Variants in LMO7 observed in about 807,000 individuals in gnomAD.
LMO7 encodes LIM domain only protein 7.
In LMO7, 120 loss-of-function variants were observed where a neutral mutation model predicts 206.5. The ratio of observed to expected loss-of-function variants is 0.58; its 90% CI spans 0.50 to 0.68. The LOEUF is 0.68. Among genes scored for constraint, LMO7 ranks in the 30% least tolerant of loss-of-function variants. The probability of loss-of-function intolerance (pLI) is 0.00; values close to 1 mark genes in which losing one functional copy is unlikely to be tolerated. For missense variants in LMO7, 1,959 were observed against 1,957.9 expected, an observed-to-expected ratio of 1.00 and a Z score of -0.01; for synonymous variants, 706 against 681.5, an observed-to-expected ratio of 1.04 and a Z score of -0.56.
At chr13:75,779,363 C>A (rs1045020034) in intron 4 of LMO7, among the ~76,000 whole-genome samples, 4 of 152,024 alleles carry the variant, frequency 2.6e-5, no homozygotes, top group African/African-American at 7.2e-5. Context: ...TCATTCAATT[C>A]ATTAGTTTTG....
At chr13:75,778,203 G>T (rs928314707) in intron 4 of LMO7, among the ~76,000 whole-genome samples, 2 of 151,894 alleles carry the variant, frequency 1.3e-5, no homozygotes, top group Non-Finnish European at 2.9e-5. Context: ...TTTGTTCTGT[G>T]GACTCAAGAT....
chr13:75,830,517 A>G (rs1397496825), intron 15 of LMO7, among the ~76,000 whole-genome samples: 4 of 152,182 alleles, frequency 2.6e-5, no homozygotes, highest in Admixed American at 6.5e-5. Flanking sequence ...TACACCTGTA[A>G]TTGCCCATGT....
At chr13:75,735,147 A>T (rs968988860) in intron 3 of LMO7, among the ~76,000 whole-genome samples, 1 of 149,362 alleles carries the variant, frequency 6.7e-6, no homozygotes, top group Non-Finnish European at 1.5e-5. Flanking sequence ...GTGTGTATGT[A>T]TGTACATACA....
In LMO7 at chr13:75,710,372, C is replaced by G. The variant is rs1828832453; in HGVS notation, c.70-2810C>G. Among the ~76,000 whole-genome samples the G allele has an allele frequency of 2.6e-5, 4 of 152,128 alleles. No homozygotes were observed. In the South Asian group the frequency reaches 8.3e-4, roughly 32 times the overall value. On this transcript the variant is annotated intron_variant, in intron 1 of 30. Coordinates refer to ENST00000377534, the MANE Select transcript of LMO7 (RefSeq NM_001306080.2). ...TAGCTTGATGGGGATGGCATTGAAT[C>G]TATAAATTACCTTGGGCAGTATGGC...
chr13:75,760,762 GT>G, intron 3 of LMO7, 169 bp from the exon 4 acceptor site: 1 of 1,537,276 alleles, frequency 6.5e-7, no homozygotes, highest in Non-Finnish European at 8.7e-7. Context: ...CTGAAAGGCT[GT>G]ACAAGCCCTA....
chr13:75,754,749 A>G (rs1279064612), intron 3 of LMO7, among the ~76,000 whole-genome samples: 1 of 152,220 alleles, frequency 6.6e-6, no homozygotes, highest in Non-Finnish European at 1.5e-5. Context: ...ATATGAAAAT[A>G]TGTTACTTGA....
intron 25 of LMO7, among the ~76,000 whole-genome samples, chr13:75,843,355 C>T (rs1595475685): frequency 6.6e-6 from 1 of 152,210 alleles, no homozygotes; most frequent in Non-Finnish European, 1.5e-5. Context: ...ATCTGCAAGG[C>T]ATCTTGAGGT....
intron 1 of LMO7, among the ~76,000 whole-genome samples, chr13:75,687,370 G>A (rs1349506302): frequency 6.6e-6 from 1 of 152,128 alleles, no homozygotes; most frequent in East Asian, 1.9e-4. Context: ...GCCACCAGAG[G>A]GTAGTATTTA....
intron 1 of LMO7, among the ~76,000 whole-genome samples, chr13:75,639,818 A>G (rs1252575405): frequency 2.6e-5 from 4 of 152,242 alleles, no homozygotes; most frequent in African/African-American, 9.6e-5. Flanking sequence ...TGGCTGGAGC[A>G]GAACAGGCTA....
intron 1 of LMO7, among the ~76,000 whole-genome samples, chr13:75,698,915 A>G (rs2042085332): frequency 1.3e-5 from 2 of 152,108 alleles, no homozygotes; most frequent in South Asian, 4.1e-4. Flanking sequence ...CACCACATCT[A>G]ATTTCAAAAC....
At chr13:75,692,559 T>A (rs1450345607) in intron 1 of LMO7, among the ~76,000 whole-genome samples, 2 of 152,060 alleles carry the variant, frequency 1.3e-5, no homozygotes, top group East Asian at 3.9e-4. Flanking sequence ...CTCATCTTTT[T>A]AATTTTTTTG....
intron 6 of LMO7, among the ~76,000 whole-genome samples, chr13:75,798,120 C>T (rs138472364): frequency 9.0e-4 from 137 of 152,302 alleles, no homozygotes; most frequent in African/African-American, 3.2e-3. Context: ...CCTGTAATCC[C>T]AGCACTTTGG....
chr13:75,840,264 G>C (rs1361268374), intron 21 of LMO7, 127 bp from the exon 22 acceptor site: 1 of 1,369,226 alleles, frequency 7.3e-7, no homozygotes, highest in Admixed American at 1.8e-5. Flanking sequence ...TTCAAAGCCA[G>C]CTCTCCCTTG....
At chr13:75,729,291 C>G (rs1420033502) in intron 3 of LMO7, among the ~76,000 whole-genome samples, 2,947 of 148,382 alleles carry the variant, frequency 0.02, 38 homozygotes, top group Middle Eastern at 0.051. Flanking sequence ...TTTGTATCCT[C>G]TTTTATTTCA....
intron 1 of LMO7, among the ~76,000 whole-genome samples, chr13:75,661,270 T>G (rs1214792363): frequency 1.3e-5 from 2 of 152,150 alleles, no homozygotes; most frequent in African/African-American, 4.8e-5. Context: ...AAAGGAAAGT[T>G]GAGATGTATT....
chr13:75,737,855 A>C (rs1354684548), intron 3 of LMO7, among the ~76,000 whole-genome samples: 18 of 146,038 alleles, frequency 1.2e-4, no homozygotes, highest in Non-Finnish European at 2.1e-4. Flanking sequence ...AAAAAAAAAA[A>C]AAAAAAAAAC....
intron 1 of LMO7, among the ~76,000 whole-genome samples, chr13:75,647,712 C>G (rs2037159725): frequency 6.6e-6 from 1 of 151,930 alleles, no homozygotes; most frequent in South Asian, 2.1e-4. Flanking sequence ...AAAATAGAAA[C>G]TTTATTGAGA....
In LMO7 at chr13:75,841,747, A is replaced by G. The variant is rs1050263096; in HGVS notation, c.3795A>G (p.Ala1265=). Residue 1265 remains alanine (A), a synonymous_variant, in exon 24 of 31, where the codon GCA becomes GCG. Transcript: ENST00000377534. ...CTTCAGACAGAGAAGGAACCCGAGC[A>G]GGAGAAGAGGAGAGGAGACAGCCAC... ...SKSSDREGTR[A]GEEERRQPQE... is the part of the protein sequence containing the mutation. 13 of 1,614,128 alleles carry G rather than the reference A, an allele frequency of 8.1e-6. No homozygotes were observed. Among genetic ancestry groups the G allele is most frequent in the Non-Finnish European group, 8.5e-6 (10 of 1,179,992 alleles).
At position 75,730,023 on chromosome 13, in the gene LMO7, G is replaced by A. The variant is rs1250436356; in HGVS notation, c.210+2925G>A. Among the ~76,000 whole-genome samples, 7 of 151,918 alleles carry A rather than the reference G, an allele frequency of 4.6e-5. No homozygotes were observed. In the East Asian group the frequency reaches 5.8e-4, roughly 13 times the overall value. On this transcript the variant is annotated intron_variant, in intron 3 of 30. Transcript: ENST00000377534. The stretch of plus-strand genomic sequence containing the variant: ...AGCTTTTTGATGTGCTGCTGGATTC[G>A]GTTTGCCAGTATTTTATTGAGGATT...
Sources: gnomAD v4.1 joint callset for allele counts (sites outside exome capture counted in the v4.1 genomes callset) on GRCh38, gnomAD v4.1.1 for gene constraint, MANE v1.5 for transcripts, NCBI Gene and HGNC (gene_info 2026-07-23, HGNC 2026-07-21) for gene names.